The following CREBRF variants were observed in gnomAD, a reference collection of about 807,000 sequenced individuals.
CREBRF encodes CREB3 regulatory factor, also known as UPF0474 protein C5orf41.
CREBRF carries 5 observed loss-of-function variants against 66.1 expected under a neutral mutation model. That is an observed-to-expected ratio of 0.08 (90% CI 0.04 to 0.16). CREBRF has a LOEUF of 0.16. Ranked by LOEUF, CREBRF falls within the 10% of genes least tolerant of loss-of-function variation. The probability of loss-of-function intolerance (pLI) is 1.00; values close to 1 mark genes in which losing one functional copy is unlikely to be tolerated. For synonymous variants in CREBRF, 229 were observed against 264.4 expected (o/e 0.87, Z 1.30); for missense variants, 531 against 744.9 (o/e 0.71, Z 3.34).
At chr5:173,108,984 T>C (rs561292355) in intron 5 of CREBRF, 166 bp downstream of exon 5, 18 of 616,350 alleles carry the variant, frequency 2.9e-5, no homozygotes, top group African/African-American at 2.4e-4. Context: ...CACTCACAAA[T>C]AGCTTTTACC....
chr5:173,128,819 A>T (rs1291294432), intron 8 of CREBRF, among the ~76,000 whole-genome samples: 2 of 148,956 alleles, frequency 1.3e-5, no homozygotes, highest in Non-Finnish European at 1.5e-5. Flanking sequence ...CTCGCTCTGT[A>T]CCCCAGGCTG....
At chr5:173,095,183 C>CTTTTTTTTT (rs34893180) in intron 4 of CREBRF, among the ~76,000 whole-genome samples, 2 of 89,558 alleles carry the variant, frequency 2.2e-5, no homozygotes, top group African/African-American at 4.2e-5. Flanking sequence ...ATTACTATAG[C>CTTTTTTTTT]TTTTTTTTTT....
intron 4 of CREBRF, among the ~76,000 whole-genome samples, chr5:173,106,296 G>C (rs1362796981): frequency 6.6e-6 from 1 of 151,996 alleles, no homozygotes; most frequent in Non-Finnish European, 1.5e-5. Context: ...CAGGCGTGGT[G>C]GTGGGCGCCT....
At chr5:173,101,911 C>G (rs1758638638) in intron 4 of CREBRF, among the ~76,000 whole-genome samples, 1 of 152,158 alleles carries the variant, frequency 6.6e-6, no homozygotes, top group Admixed American at 6.5e-5. Flanking sequence ...TTCACTATTC[C>G]TATAATGTGC....
At chr5:173,086,701 A>G in intron 3 of CREBRF, 75 bp downstream of exon 3, 1 of 1,355,042 alleles carries the variant, frequency 7.4e-7, no homozygotes, top group Non-Finnish European at 1.0e-6. Flanking sequence ...TTGTTTATAA[A>G]TGCCTGAAAA....
intron 7 of CREBRF, among the ~76,000 whole-genome samples, chr5:173,117,414 A>G (rs1342952032): frequency 6.6e-6 from 1 of 151,226 alleles, no homozygotes; most frequent in African/African-American, 2.4e-5. Context: ...AAATAAATAA[A>G]CGTTCTTTAT....
chr5:173,066,166 T>G (rs972182451), intron 1 of CREBRF, among the ~76,000 whole-genome samples: 16 of 152,200 alleles, frequency 1.1e-4, no homozygotes, highest in Admixed American at 5.2e-4. Context: ...CTGCTTATTT[T>G]ACATGTAAAT....
intron 8 of CREBRF, among the ~76,000 whole-genome samples, chr5:173,131,695 TACACACACACACACAC>T (rs67580803): frequency 5.4e-5 from 8 of 149,040 alleles, no homozygotes; most frequent in East Asian, 2.0e-4. Flanking sequence ...TATATATGTA[TACACACACACACACAC>T]ACACACACAC....
At chr5:173,058,786 CTTTTTT>C (rs70984932) in intron 1 of CREBRF, among the ~76,000 whole-genome samples, 1 of 64,056 alleles carries the variant, frequency 1.6e-5, no homozygotes, top group African/African-American at 5.6e-5. Flanking sequence ...CGCCCAGCCT[CTTTTTT>C]TTTTTTTTTT....
In CREBRF at chr5:173,134,430, A is replaced by G. The variant is rs143283805; in HGVS notation, c.*685A>G. 1.7e-4 allele frequency: 49 copies of G among 291,574 alleles called. 1 individual carries two copies. In the East Asian group the frequency reaches 4.1e-3, roughly 24 times the overall value. The allele number at this position is 291,574 out of a possible 1,614,324, so 18.1% of individuals were successfully genotyped here. On this transcript the variant is annotated 3_prime_UTR_variant, in exon 9 of 9. Transcript: ENST00000296953. ...AGAAAAAACAAGATATATAGATGGA[A>G]AAATTATGGGGTTTAAATGTTTTTT...
chr5:173,078,742 C>G (rs2113702653), intron 1 of CREBRF, among the ~76,000 whole-genome samples: 1 of 152,018 alleles, frequency 6.6e-6, no homozygotes, highest in Admixed American at 6.6e-5. Flanking sequence ...CCAGGCTGGT[C>G]TTGAACTCCT....
At chr5:173,112,505 T>A in intron 7 of CREBRF, 126 bp downstream of exon 7, 1 of 605,024 alleles carries the variant, frequency 1.7e-6, no homozygotes, top group Non-Finnish European at 2.9e-6. Flanking sequence ...CCTATTTGTT[T>A]ATCTGTTCAG....
In CREBRF at chr5:173,090,263, A is replaced by G. The variant is rs1758288084; in HGVS notation, c.136-52A>G. 11 of 1,458,964 alleles carry G rather than the reference A, an allele frequency of 7.5e-6. No individual in the cohort carries two copies. The highest frequency in any genetic ancestry group is 1.0e-5 in the Non-Finnish European group (11 of 1,070,810). 90.4% of individuals were successfully genotyped at this position (1,458,964 alleles called of 1,614,324 possible). A position where few individuals can be genotyped will look rare whatever the true frequency, so the allele number is the denominator to read the frequency against. ...TTATCAGTTTGACATATGGAGGTGA[A>G]TATTTCCTTCTGAAATATGATGTGC... On this transcript the variant is annotated intron_variant, in intron 3 of 8. Coordinates refer to ENST00000296953, the MANE Select transcript of CREBRF (RefSeq NM_153607.3). This position sits in a 1 kb window ranked among gnomAD's most constrained non-coding sequence, Gnocchi z 4.5.
At chr5:173,089,626 A>G (rs1278535256) in intron 3 of CREBRF, among the ~76,000 whole-genome samples, 1 of 151,296 alleles carries the variant, frequency 6.6e-6, no homozygotes, top group Non-Finnish European at 1.5e-5. Flanking sequence ...GTTTGAGACC[A>G]GCCTGGTCAA....
intron 8 of CREBRF, 111 bp downstream of exon 8, chr5:173,123,313 T>C: frequency 2.1e-6 from 2 of 969,030 alleles, no homozygotes; most frequent in Non-Finnish European, 3.0e-6. Context: ...AGTGCTCTCA[T>C]TGTAATTACT....
intron 2 of CREBRF, among the ~76,000 whole-genome samples, chr5:173,081,089 C>A (rs1355530895): frequency 1.3e-5 from 2 of 152,142 alleles, no homozygotes; most frequent in Admixed American, 1.3e-4. Flanking sequence ...ACAGCAATCC[C>A]GTTTCTATCT....
At chr5:173,119,457 A>C (rs1361395449) in intron 7 of CREBRF, among the ~76,000 whole-genome samples, 2 of 152,158 alleles carry the variant, frequency 1.3e-5, no homozygotes, top group African/African-American at 4.8e-5. Context: ...ATTGCTTTTG[A>C]AATTTTATAT....
rs757197530 is a variant in CREBRF, at chr5:173,091,090, C to G, written c.911C>G (p.Pro304Arg). The change falls in exon 4 of 9, where the codon CCC becomes CGC. Residue 304 changes from proline to arginine, a missense_variant. Physicochemically the swap from Pro to Arg is moderately radical, Grantham distance 103. Transcript: ENST00000296953. ...ETQELLLSPL[P>R]QEGPGSLAAG... is the part of the protein sequence containing the mutation. ...CAGGAACTATTACTAAGTCCCCTGC[C>G]CCAGGAAGGTCCTGGGTCACTTGCA... 1.2e-6 allele frequency: 2 copies of G among 1,614,168 alleles called. No homozygotes were observed. Among genetic ancestry groups the G allele is most frequent in the Non-Finnish European group, 1.7e-6 (2 of 1,180,026 alleles).
Position 173,090,836 on chromosome 5 carries a change from G to A in CREBRF, c.657G>A (p.Met219Ile). Residue 219 changes from methionine to isoleucine, a missense_variant, in exon 4 of 9, where the codon ATG becomes ATA. Physicochemically the swap from Met to Ile is conservative, Grantham distance 10 (BLOSUM62 1). Transcript: ENST00000296953. This position sits in a 1 kb window ranked among gnomAD's most constrained non-coding sequence, Gnocchi z 4.5. ...CACAAATCATGGTGAAGACCAACATGTATCATAATGAAAAGGTGAACTTTC... is the reference window on the plus strand; with the variant it reads ...CACAAATCATGGTGAAGACCAACATATATCATAATGAAAAGGTGAACTTTC... ...SSTQIMVKTN[M>I]YHNEKVNFHV... 2 of 1,614,134 alleles carry A rather than the reference G, an allele frequency of 1.2e-6. No homozygotes were observed. Among genetic ancestry groups the A allele is most frequent in the Non-Finnish European group, 1.7e-6 (2 of 1,180,038 alleles).
Sources: allele counts gnomAD v4.1 joint callset (sites outside exome capture counted in the v4.1 genomes callset), GRCh38; gene constraint gnomAD v4.1.1; non-coding constraint Gnocchi (gnomAD v3.1); transcripts MANE v1.5; gene names NCBI Gene and HGNC (gene_info 2026-07-23, HGNC 2026-07-21).